Variants in VAV3 observed in about 807,000 individuals in gnomAD.
VAV3 encodes vav guanine nucleotide exchange factor 3, also known as guanine nucleotide exchange factor VAV3.
A neutral mutation model predicts 131.2 loss-of-function variants in VAV3; 94 were observed. The observed-to-expected ratio is 0.72, with a 90% CI of 0.61 to 0.85. The LOEUF is 0.85. VAV3 is among the 40% of genes least tolerant of loss of function. The pLI is 0.00. For synonymous variants in VAV3, 349 were observed against 342.0 expected (o/e 1.02, Z -0.22); for missense variants, 939 against 1,002.7 (o/e 0.94, Z 0.86).
chr1:107,727,319 AT>A (rs1661907563), intron 15 of VAV3, among the ~76,000 whole-genome samples: 2 of 152,160 alleles, frequency 1.3e-5, no homozygotes, highest in African/African-American at 4.8e-5. Context: ...CCAGTTTCCT[AT>A]TCTGTTTTTA....
intron 19 of VAV3, chr1:107,668,919 G>A: frequency 1.3e-5 from 13 of 987,264 alleles, no homozygotes; most frequent in Non-Finnish European, 1.6e-5. Context: ...TAGTTCACAA[G>A]CTACTTATCT....
intron 1 of VAV3, among the ~76,000 whole-genome samples, chr1:107,888,178 A>G (rs1671129630): frequency 6.6e-6 from 1 of 152,220 alleles, no homozygotes; most frequent in South Asian, 2.1e-4. Flanking sequence ...CCACACTGTG[A>G]TATCTTCTTT....
At chr1:107,790,472 G>C (rs1447189919) in intron 2 of VAV3, among the ~76,000 whole-genome samples, 1 of 152,180 alleles carries the variant, frequency 6.6e-6, no homozygotes, top group Non-Finnish European at 1.5e-5. Context: ...CAGGTGAGAA[G>C]GGTTACAGAG....
At chr1:107,576,722 A>C (rs559569653) in intron 25 of VAV3, among the ~76,000 whole-genome samples, 1 of 152,318 alleles carries the variant, frequency 6.6e-6, no homozygotes, top group Non-Finnish European at 1.5e-5. Context: ...AGGATGGCCA[A>C]CAATGGCCTC....
At chr1:107,863,470 G>A (rs957819012) in intron 2 of VAV3, among the ~76,000 whole-genome samples, 4 of 152,096 alleles carry the variant, frequency 2.6e-5, no homozygotes, top group African/African-American at 9.7e-5. Context: ...GTACTCACTG[G>A]CCCTTTGTCA....
intron 1 of VAV3, among the ~76,000 whole-genome samples, chr1:107,913,212 T>C (rs1178158715): frequency 1.3e-5 from 2 of 152,232 alleles, no homozygotes; most frequent in Non-Finnish European, 2.9e-5. Flanking sequence ...CATCAGATTA[T>C]ACAGACAAAA....
At chr1:107,890,026 T>C (rs1416072737) in intron 1 of VAV3, among the ~76,000 whole-genome samples, 1 of 152,136 alleles carries the variant, frequency 6.6e-6, no homozygotes, top group Admixed American at 6.6e-5. Context: ...GAGAAACTTA[T>C]TTACGGCTTA....
intron 19 of VAV3, among the ~76,000 whole-genome samples, chr1:107,666,162 A>C (rs1224852843): frequency 2.0e-5 from 3 of 152,198 alleles, no homozygotes; most frequent in Non-Finnish European, 4.4e-5. Context: ...TTAGGATACT[A>C]AGATGTGAAC....
chr1:107,700,665 A>G (rs1660063068), intron 17 of VAV3, among the ~76,000 whole-genome samples: 1 of 152,134 alleles, frequency 6.6e-6, no homozygotes, highest in South Asian at 2.1e-4. Context: ...GTATTCTATG[A>G]TATATGTACC....
At chr1:107,913,957 G>A (rs1440192770) in intron 1 of VAV3, among the ~76,000 whole-genome samples, 3 of 152,078 alleles carry the variant, frequency 2.0e-5, no homozygotes, top group African/African-American at 7.2e-5. Context: ...ACCACGCCCA[G>A]CTAATTTTTG....
chr1:107,710,458 G>T (rs895298418), intron 15 of VAV3, among the ~76,000 whole-genome samples: 5 of 152,110 alleles, frequency 3.3e-5, no homozygotes, highest in African/African-American at 9.7e-5. Context: ...TGTGTGTGTT[G>T]CTAAAATACA....
intron 20 of VAV3, among the ~76,000 whole-genome samples, chr1:107,636,287 C>T (rs1654925329): frequency 6.6e-6 from 1 of 152,140 alleles, no homozygotes; most frequent in African/African-American, 2.4e-5. Flanking sequence ...AATAGAAACT[C>T]CACAGTGGAG....
intron 2 of VAV3, among the ~76,000 whole-genome samples, chr1:107,792,527 G>C (rs1023742986): frequency 6.6e-6 from 1 of 152,112 alleles, no homozygotes; most frequent in African/African-American, 2.4e-5. Context: ...AAAGCCACTA[G>C]TACTGTTTAC....
intron 15 of VAV3, among the ~76,000 whole-genome samples, chr1:107,724,836 G>GAAA (rs60207273): frequency 8.8e-5 from 13 of 147,442 alleles, no homozygotes; most frequent in African/African-American, 1.2e-4. Flanking sequence ...GTGGTGGGGG[G>GAAA]AAAAAAAAAA....
At chr1:107,964,274 G>A (rs74110010) in intron 1 of VAV3, among the ~76,000 whole-genome samples, 41 of 152,262 alleles carry the variant, frequency 2.7e-4, no homozygotes, top group African/African-American at 9.4e-4. Flanking sequence ...CAAAAGAAGA[G>A]ACTAAAGGCA....
chr1:107,723,839 A>G (rs1429343150), intron 15 of VAV3, among the ~76,000 whole-genome samples: 1 of 152,180 alleles, frequency 6.6e-6, no homozygotes, highest in Non-Finnish European at 1.5e-5. Flanking sequence ...ATCAAAATGG[A>G]GCTGACATAA....
intron 2 of VAV3, among the ~76,000 whole-genome samples, chr1:107,820,581 T>C (rs1441753081): frequency 1.3e-5 from 2 of 152,110 alleles, no homozygotes; most frequent in Non-Finnish European, 2.9e-5. Context: ...TACTAAAAAT[T>C]CATCGTACAT....
At chr1:107,720,209 T>A (rs969406544) in intron 15 of VAV3, among the ~76,000 whole-genome samples, 1 of 151,162 alleles carries the variant, frequency 6.6e-6, no homozygotes, top group Non-Finnish European at 1.5e-5. Flanking sequence ...TAAAGTATAA[T>A]AAAAAAATAA....
At chr1:107,827,497 G>T (rs1372389324) in intron 2 of VAV3, among the ~76,000 whole-genome samples, 2 of 152,164 alleles carry the variant, frequency 1.3e-5, no homozygotes, top group Non-Finnish European at 2.9e-5. Flanking sequence ...AAGAAACAGT[G>T]ATTAACAATT....
Sources: gnomAD v4.1 joint callset for allele counts (sites outside exome capture counted in the v4.1 genomes callset) on GRCh38, gnomAD v4.1.1 for gene constraint, MANE v1.5 for transcripts, NCBI Gene and HGNC (gene_info 2026-07-23, HGNC 2026-07-21) for gene names.